Variants in CHCHD6 observed in about 807,000 individuals in gnomAD.
CHCHD6 encodes coiled-coil-helix-coiled-coil-helix domain containing 6, also known as MICOS complex subunit MIC25.
Under a neutral mutation model 32.3 loss-of-function variants are expected in CHCHD6, and 28 were observed. The ratio of observed to expected loss-of-function variants is 0.87; its 90% CI spans 0.64 to 1.19. The LOEUF (loss-of-function observed/expected upper bound fraction) is 1.19. CHCHD6 is among the 50% of genes most tolerant of loss of function. The probability of loss-of-function intolerance (pLI) is 0.00; values close to 1 mark genes in which losing one functional copy is unlikely to be tolerated. For synonymous variants in CHCHD6, 122 were observed against 117.5 expected (o/e 1.04, Z -0.25); for missense variants, 333 against 307.0 (o/e 1.08, Z -0.63).
chr3:126,870,246 T>C (rs981385145), intron 5 of CHCHD6, among the ~76,000 whole-genome samples: 1 of 152,218 alleles, frequency 6.6e-6, no homozygotes, highest in Non-Finnish European at 1.5e-5. Context: ...TTCCTCTCAT[T>C]AGTGGTCACT....
intron 4 of CHCHD6, 46 bp from the exon 5 acceptor site, chr3:126,852,601 G>A: frequency 7.0e-7 from 1 of 1,428,482 alleles, no homozygotes; most frequent in Non-Finnish European, 9.9e-7. Flanking sequence ...CACCATTCCA[G>A]CACCATCGCT....
intron 4 of CHCHD6, among the ~76,000 whole-genome samples, chr3:126,747,403 T>G (rs1416416447): frequency 6.6e-6 from 1 of 152,176 alleles, no homozygotes; most frequent in Admixed American, 6.5e-5. Context: ...ATAAGGTTAG[T>G]ATGGGGTTTC....
intron 4 of CHCHD6, among the ~76,000 whole-genome samples, chr3:126,772,331 G>T (rs559071533): frequency 6.6e-6 from 1 of 152,102 alleles, no homozygotes; most frequent in Non-Finnish European, 1.5e-5. Flanking sequence ...TTGATCTCCT[G>T]ACCTCGTCCG....
intron 5 of CHCHD6, among the ~76,000 whole-genome samples, chr3:126,876,097 A>G (rs1248635381): frequency 1.3e-5 from 2 of 152,254 alleles, no homozygotes; most frequent in African/African-American, 4.8e-5. Context: ...ATGGCTAATA[A>G]TACTTACTCT....
At chr3:126,810,478 A>G (rs561555748) in intron 4 of CHCHD6, among the ~76,000 whole-genome samples, 9 of 152,178 alleles carry the variant, frequency 5.9e-5, no homozygotes, top group Admixed American at 1.3e-4. Context: ...GTTTGTGGTG[A>G]TAGACTATTT....
At chr3:126,797,859 G>A (rs958058790) in intron 4 of CHCHD6, among the ~76,000 whole-genome samples, 6 of 152,234 alleles carry the variant, frequency 3.9e-5, no homozygotes, top group African/African-American at 1.2e-4. Context: ...CCATGGTGTG[G>A]TGTGTCTGCG....
chr3:126,709,754 G>A (rs1934668044), intron 1 of CHCHD6, among the ~76,000 whole-genome samples: 1 of 152,178 alleles, frequency 6.6e-6, no homozygotes. Context: ...ATGATGTTGA[G>A]CGTCTCTTCA....
At chr3:126,808,809 G>C (rs924074466) in intron 4 of CHCHD6, among the ~76,000 whole-genome samples, 6 of 152,180 alleles carry the variant, frequency 3.9e-5, no homozygotes, top group African/African-American at 1.4e-4. Flanking sequence ...ATGAGCAGGA[G>C]CATTGTCCTG....
rs575584424 is a variant in CHCHD6, at chr3:126,720,070, G to A, written c.88-7008G>A. ...TAATTTTTGTATTTTTAGTAGAGACGTGGGTTTCACCATGTTGACCAGGCT... is the reference window on the plus strand; with the variant it reads ...TAATTTTTGTATTTTTAGTAGAGACATGGGTTTCACCATGTTGACCAGGCT... On this transcript the variant is annotated intron_variant, in intron 1 of 7. Coordinates refer to ENST00000290913, the MANE Select transcript of CHCHD6 (RefSeq NM_032343.3). 1.1e-4 allele frequency among the ~76,000 whole-genome samples: 16 copies of A among 152,096 alleles called. No individual in the cohort carries two copies. The South Asian group carries it at 3.3e-3, about 32-fold the overall frequency.
chr3:126,790,672 A>G (rs1465815350), intron 4 of CHCHD6, among the ~76,000 whole-genome samples: 2 of 152,156 alleles, frequency 1.3e-5, no homozygotes, highest in Admixed American at 6.5e-5. Flanking sequence ...TTTCAGCTCC[A>G]TCAGGTCATT....
At chr3:126,793,850 T>G (rs982734125) in intron 4 of CHCHD6, among the ~76,000 whole-genome samples, 1 of 152,178 alleles carries the variant, frequency 6.6e-6, no homozygotes, top group Non-Finnish European at 1.5e-5. Flanking sequence ...TTCTGATCCC[T>G]GAAAGATATT....
chr3:126,931,278 C>T (rs967706527), intron 6 of CHCHD6, among the ~76,000 whole-genome samples: 38 of 152,216 alleles, frequency 2.5e-4, no homozygotes, highest in African/African-American at 8.0e-4. Context: ...CAGGGAGTGC[C>T]CTTTTTCCTT....
At chr3:126,729,237 T>A (rs1935672499) in intron 2 of CHCHD6, among the ~76,000 whole-genome samples, 1 of 152,148 alleles carries the variant, frequency 6.6e-6, no homozygotes, top group Non-Finnish European at 1.5e-5. Context: ...AAAGTCCTAG[T>A]AATCTTAATA....
At position 126,910,282 on chromosome 3, in the gene CHCHD6, A is replaced by AAAAAC. The variant is rs1417779829; in HGVS notation, c.496-4393_496-4389dup. On this transcript the variant is annotated intron_variant, in intron 5 of 7. Transcript: ENST00000290913. The stretch of plus-strand genomic sequence containing the variant: ...CAAGGCCCTGCCTCAGGAAAAAAAA[A>AAAAAC]AAAACAAAAAAAACAAATCTTCCCT... Among the ~76,000 whole-genome samples the AAAAAC allele has an allele frequency of 1.9e-3, 281 of 151,606 alleles. 3 individuals are homozygous for AAAAAC. The highest frequency in any genetic ancestry group is 3.4e-3 in the Non-Finnish European group (232 of 67,842).
intron 5 of CHCHD6, among the ~76,000 whole-genome samples, chr3:126,869,250 C>T (rs541262977): frequency 1.1e-4 from 16 of 147,444 alleles, no homozygotes; most frequent in Middle Eastern, 3.7e-3. Context: ...ACATCTGGGA[C>T]GACTTTGCAT....
intron 6 of CHCHD6, among the ~76,000 whole-genome samples, chr3:126,919,515 A>G (rs1387012611): frequency 6.7e-6 from 1 of 150,114 alleles, no homozygotes; most frequent in Non-Finnish European, 1.5e-5. Context: ...GGGTTTCACT[A>G]TGTTGTCCAG....
chr3:126,880,580 A>G (rs2077595037), intron 5 of CHCHD6, among the ~76,000 whole-genome samples: 1 of 151,934 alleles, frequency 6.6e-6, no homozygotes, highest in African/African-American at 2.4e-5. Context: ...ACCATCTGAG[A>G]GGATGATTCT....
intron 4 of CHCHD6, among the ~76,000 whole-genome samples, chr3:126,799,230 A>C (rs937698244): frequency 1.3e-5 from 2 of 152,088 alleles, no homozygotes; most frequent in African/African-American, 4.8e-5. Flanking sequence ...TGAAGGAATC[A>C]CTCTTGTCTC....
intron 6 of CHCHD6, among the ~76,000 whole-genome samples, chr3:126,924,799 TG>T (rs1003778574): frequency 3.3e-5 from 5 of 152,168 alleles, no homozygotes; most frequent in African/African-American, 1.2e-4. Flanking sequence ...GAAGCCAGAA[TG>T]GGTGGGCCTG....
Sources: gnomAD v4.1 joint callset for allele counts (sites outside exome capture counted in the v4.1 genomes callset) on GRCh38, gnomAD v4.1.1 for gene constraint, MANE v1.5 for transcripts, NCBI Gene and HGNC (gene_info 2026-07-23, HGNC 2026-07-21) for gene names.